Variants in CNTRL observed in about 807,000 individuals in gnomAD.
The protein encoded by CNTRL is centriolin.
Under a neutral mutation model 303.7 loss-of-function variants are expected in CNTRL, and 233 were observed. The ratio of observed to expected loss-of-function variants is 0.77; its 90% CI spans 0.69 to 0.86. The LOEUF (loss-of-function observed/expected upper bound fraction) is 0.86, where lower values mean the gene tolerates loss of function less well. Ranked by LOEUF, CNTRL falls within the 40% of genes least tolerant of loss-of-function variation. The pLI is 0.00. For synonymous variants in CNTRL, 900 were observed against 922.2 expected (o/e 0.98, Z 0.44); for missense variants, 2,524 against 2,650.6 (o/e 0.95, Z 1.05).
chr9:121,121,794 A>G lies in CNTRL; in HGVS notation c.1651-2137A>G, dbSNP rs1463715394. On this transcript the variant is annotated intron_variant, in intron 12 of 43. Coordinates refer to ENST00000373855, the MANE Select transcript of CNTRL (RefSeq NM_007018.6). ...CACTCTTGGCCAAGAATGTGGTTTG[A>G]GGCTCTGCGAAGTTACAGAGGCTCG... 6.1e-6 allele frequency: 6 copies of G among 985,274 alleles called. No homozygotes were observed. In the African/African-American group the frequency reaches 7.0e-5, roughly 11 times the overall value. 61.0% of individuals were successfully genotyped at this position (985,274 alleles called of 1,614,324 possible). A position where few individuals can be genotyped will look rare whatever the true frequency, so the allele number is the denominator to read the frequency against.
chr9:121,090,193 G>A (rs2048504724), intron 3 of CNTRL, 82 bp from the exon 4 acceptor site: 1 of 1,313,450 alleles, frequency 7.6e-7, no homozygotes. Flanking sequence ...TTTTGTTTTT[G>A]TTACATAACA....
intron 10 of CNTRL, among the ~76,000 whole-genome samples, chr9:121,114,330 A>C (rs2049884490): frequency 1.3e-5 from 2 of 152,196 alleles, no homozygotes; most frequent in South Asian, 4.1e-4. Flanking sequence ...GAGAACTCTG[A>C]CCAGGGTTTG....
At chr9:121,090,569 G>C (rs1340481626) in intron 4 of CNTRL, among the ~76,000 whole-genome samples, 164 bp downstream of exon 4, 3 of 152,122 alleles carry the variant, frequency 2.0e-5, no homozygotes, top group Admixed American at 6.5e-5. Context: ...AAATTAATAA[G>C]TTTCTATTAC....
Position 121,171,404 on chromosome 9 carries a change from C to G in CNTRL, c.6277-4C>G. 2 of 1,613,726 alleles carry G rather than the reference C, an allele frequency of 1.2e-6. No homozygotes were observed. The highest frequency in any genetic ancestry group is 2.2e-5 in the South Asian group (2 of 91,052). ...GCAGAGTTATTTTCTTCCTCCTGTG[C>G]TAGGAGCAAAAACAGGAGAACAGCT... On this transcript the variant is annotated splice_polypyrimidine_tract_variant and splice_region_variant and intron_variant, in intron 39 of 43. Transcript: ENST00000373855.
In CNTRL at chr9:121,157,543, TAGAA is replaced by T; in HGVS notation, c.4442_4445del (p.Glu1481GlyfsTer17). 1 of 1,614,076 alleles carries T rather than the reference TAGAA, an allele frequency of 6.2e-7. No homozygotes were observed. On this transcript the variant is annotated frameshift_variant, in exon 28 of 44. Transcript: ENST00000373855. LOFTEE classifies it high-confidence loss of function. ...CAAACTGAGTCAGATGCTGAGGAAT[TAGAA>T]AGGAGAGCTCAGGAAACTGCTGTTA...
intron 14 of CNTRL, among the ~76,000 whole-genome samples, chr9:121,126,643 A>C (rs1011390036): frequency 1.3e-5 from 2 of 152,222 alleles, no homozygotes; most frequent in African/African-American, 4.8e-5. Flanking sequence ...CCTTTCCAGA[A>C]GTAACAAAGT....
intron 14 of CNTRL, among the ~76,000 whole-genome samples, chr9:121,126,916 G>A (rs966762358): frequency 6.6e-6 from 1 of 151,982 alleles, no homozygotes; most frequent in African/African-American, 2.4e-5. Flanking sequence ...CCGCCTCCTG[G>A]GTTGAAGCGA....
At position 121,150,644 on chromosome 9, in the gene CNTRL, C is replaced by G. The variant is rs191205925; in HGVS notation, c.3963+161C>G. ...GTGCAAGCATTCTCTTATTAAAATTCTCTTATAAAAGCAGTGGCATGTGCC... is the reference window on the plus strand; with the variant it reads ...GTGCAAGCATTCTCTTATTAAAATTGTCTTATAAAAGCAGTGGCATGTGCC... On this transcript the variant is annotated intron_variant, in intron 25 of 43. Coordinates refer to ENST00000373855, the MANE Select transcript of CNTRL (RefSeq NM_007018.6). The G allele has an allele frequency of 4.3e-6, 3 of 695,988 alleles. No homozygotes were observed. The East Asian group carries it at 8.3e-5, about 19-fold the overall frequency. The allele number at this position is 695,988 out of a possible 1,614,324, so 43.1% of individuals were successfully genotyped here.
In CNTRL at chr9:121,107,856, A is replaced by G. The variant is rs1347332490; in HGVS notation, c.863A>G (p.Glu288Gly). The G allele has an allele frequency of 6.2e-7, 1 of 1,600,462 alleles. No homozygotes were observed. The highest frequency in any genetic ancestry group is 8.5e-7 in the Non-Finnish European group (1 of 1,176,226). Residue 288 changes from glutamate to glycine, a missense_variant, in exon 8 of 44, where the codon GAG becomes GGG. Physicochemically the swap from Glu to Gly is moderately conservative, Grantham distance 98. Transcript: ENST00000373855. ...DLEKKMIETE[E>G]LKSKQTRFLE... Reference sequence around the variant, plus strand: ...GAAAAAAAGATGATAGAAACTGAAGAGCTTAAGAGCAAACAAACAAGGTTC... The same window carrying G: ...GAAAAAAAGATGATAGAAACTGAAGGGCTTAAGAGCAAACAAACAAGGTTC...
Position 121,173,354 on chromosome 9 carries a change from C to T in CNTRL, c.6529C>T (p.Gln2177Ter), listed in dbSNP as rs757729147. Residue 2177 changes from glutamine (Q) to a stop codon, truncating the protein, a stop_gained, in exon 41 of 44, where the codon CAG (glutamine) becomes TAG (stop). Coordinates refer to ENST00000373855, the MANE Select transcript of CNTRL (RefSeq NM_007018.6). LOFTEE classifies it high-confidence loss of function. ...EIRTSLKNLN[Q>*]FLPELPADLE... ...CAGAACCAGCTTGAAGAATCTTAAT[C>T]AGTTTCTTCCAGAACTACCAGCAGA... The T allele has an allele frequency of 3.1e-6, 5 of 1,613,988 alleles. No individual in the cohort carries two copies. The South Asian group carries it at 5.5e-5, about 18-fold the overall frequency.
At chr9:121,158,757 T>C in intron 30 of CNTRL, 98 bp from the exon 31 acceptor site, 1 of 1,158,056 alleles carries the variant, frequency 8.6e-7, no homozygotes, top group South Asian at 1.5e-5. Flanking sequence ...GCTAGGATAT[T>C]AGCTCCTGAT....
At chr9:121,098,361 C>A in intron 6 of CNTRL, 25 bp from the exon 7 acceptor site, 1 of 1,451,770 alleles carries the variant, frequency 6.9e-7, no homozygotes, top group Non-Finnish European at 9.5e-7. Flanking sequence ...TAAATTATAC[C>A]AATACTAATG....
chr9:121,094,956 G>A lies in CNTRL; in HGVS notation c.417G>A (p.Lys139=), dbSNP rs1289919274. 6 of 1,603,804 alleles carry A rather than the reference G, an allele frequency of 3.7e-6. No individual in the cohort carries two copies. The highest frequency in any genetic ancestry group is 5.1e-6 in the Non-Finnish European group (6 of 1,172,922). Residue 139 remains lysine (K), a synonymous_variant, in exon 5 of 44, where the codon AAG becomes AAA. Transcript: ENST00000373855. ...ATCTCAGCTATAATCTAATAGGGAA[G>A]ATTGAAAAGTTGGACAAGCTGTTAA... ...VLNLSYNLIG[K]IEKLDKLLKL...
At chr9:121,111,472 G>T (rs1032829559) in intron 8 of CNTRL, among the ~76,000 whole-genome samples, 1 of 152,024 alleles carries the variant, frequency 6.6e-6, no homozygotes, top group African/African-American at 2.4e-5. Context: ...AATCATGCAC[G>T]ACTTTGATTT....
chr9:121,162,052 A>G lies in CNTRL; in HGVS notation c.5206-2A>G, dbSNP rs1230427446. ...GTTTGAGTCCTCTTTTATCTGATTT[A>G]GGAGAAACTGGAGTTAGAGAATTTG... On this transcript the variant is annotated splice_acceptor_variant, in intron 33 of 43. Transcript: ENST00000373855. LOFTEE classifies it high-confidence loss of function. 6.2e-7 allele frequency: 1 copy of G among 1,614,158 alleles called. No individual in the cohort carries two copies. The highest frequency in any genetic ancestry group is 1.7e-5 in the Admixed American group (1 of 60,032).
intron 27 of CNTRL, among the ~76,000 whole-genome samples, chr9:121,157,178 G>T (rs1343984666): frequency 2.0e-5 from 3 of 152,030 alleles, no homozygotes; most frequent in African/African-American, 7.3e-5. Flanking sequence ...CTTCCGTGTT[G>T]CTACATTGTC....
intron 4 of CNTRL, among the ~76,000 whole-genome samples, chr9:121,091,988 A>G (rs2048596094): frequency 7.2e-6 from 1 of 139,416 alleles, no homozygotes; most frequent in Non-Finnish European, 1.5e-5. Flanking sequence ...CCTCAGTCGC[A>G]CTCTCATTCT....
intron 40 of CNTRL, among the ~76,000 whole-genome samples, chr9:121,172,279 A>T (rs2053340952): frequency 6.6e-6 from 1 of 152,228 alleles, no homozygotes; most frequent in Non-Finnish European, 1.5e-5. Context: ...TTCATATTTC[A>T]CTAAGCTCTA....
chr9:121,156,221 A>C (rs1315264188), intron 27 of CNTRL, among the ~76,000 whole-genome samples: 1 of 152,078 alleles, frequency 6.6e-6, no homozygotes, highest in Non-Finnish European at 1.5e-5. Context: ...ATAGATATAT[A>C]AAATCATCAA....
Sources: gnomAD v4.1 joint callset for allele counts (sites outside exome capture counted in the v4.1 genomes callset) on GRCh38, gnomAD v4.1.1 for gene constraint, MANE v1.5 for transcripts, NCBI Gene and HGNC (gene_info 2026-07-23, HGNC 2026-07-21) for gene names.